Variants in SLC16A7 observed in about 807,000 individuals in gnomAD.
The protein encoded by SLC16A7 is monocarboxylate transporter 2.
In SLC16A7, 33 loss-of-function variants were observed where a neutral mutation model predicts 34.9. The ratio of observed to expected loss-of-function variants is 0.94; its 90% CI spans 0.72 to 1.26. The LOEUF (loss-of-function observed/expected upper bound fraction) is 1.26, where lower values mean the gene tolerates loss of function less well. SLC16A7 is among the 50% of genes most tolerant of loss of function. SLC16A7 has a pLI of 0.00. For missense variants in SLC16A7, 573 were observed against 578.1 expected, an observed-to-expected ratio of 0.99 and a Z score of 0.09; for synonymous variants, 201 against 206.6, an observed-to-expected ratio of 0.97 and a Z score of 0.23.
chr12:59,735,937 G>T, intron 3 of SLC16A7: 1 of 1,251,692 alleles, frequency 8.0e-7, no homozygotes. Flanking sequence ...TAGGAAAAAA[G>T]GAGAAGCGGA....
In SLC16A7 at chr12:59,696,160, C is replaced by T. The variant is rs560089764; in HGVS notation, c.-30-8612C>T. ...TAGGCTTGTAATCTACTGTTTTTTT[C>T]AACAAAACCTAATTTTTTTAATCTT... On this transcript the variant is annotated intron_variant, in intron 2 of 5. Coordinates refer to ENST00000547379, the MANE Select transcript of SLC16A7 (RefSeq NM_001270623.2). 1.4e-3 allele frequency among the ~76,000 whole-genome samples: 214 copies of T among 151,424 alleles called. 1 individual carries two copies. Among genetic ancestry groups the T allele is most frequent in the Middle Eastern group, 6.8e-3 (2 of 294 alleles).
chr12:59,702,514 C>T (rs1297605228), intron 2 of SLC16A7, among the ~76,000 whole-genome samples: 2 of 151,984 alleles, frequency 1.3e-5, no homozygotes, highest in African/African-American at 2.4e-5. Flanking sequence ...AGCATCTGCA[C>T]GACATTAACT....
chr12:59,773,381 G>A (rs565462134), intron 4 of SLC16A7, among the ~76,000 whole-genome samples: 6 of 152,084 alleles, frequency 3.9e-5, no homozygotes, highest in African/African-American at 1.2e-4. Context: ...TGGAGTATTT[G>A]TACACAGACC....
chr12:59,638,144 A>C (rs1233249852), intron 1 of SLC16A7, among the ~76,000 whole-genome samples: 1 of 152,134 alleles, frequency 6.6e-6, no homozygotes, highest in Non-Finnish European at 1.5e-5. Context: ...TAACTGGATA[A>C]AAGTATGGGT....
chr12:59,689,466 G>T (rs772145201), intron 2 of SLC16A7: 1 of 151,976 alleles, frequency 6.6e-6, no homozygotes, highest in African/African-American at 2.4e-5. Flanking sequence ...AACACCTGTC[G>T]CCAGGTTGGT....
chr12:59,666,762 C>T (rs184414675), intron 2 of SLC16A7, among the ~76,000 whole-genome samples: 20 of 152,148 alleles, frequency 1.3e-4, no homozygotes, highest in African/African-American at 4.8e-4. Flanking sequence ...ATAAGTTACC[C>T]AGTCTTGGAT....
At chr12:59,660,408 A>T (rs1471835391) in intron 2 of SLC16A7, among the ~76,000 whole-genome samples, 1 of 152,024 alleles carries the variant, frequency 6.6e-6, no homozygotes, top group Admixed American at 6.6e-5. Flanking sequence ...GCTTCTATAA[A>T]CTGTCTTTGC....
intron 3 of SLC16A7, among the ~76,000 whole-genome samples, chr12:59,745,398 C>T (rs2706287): frequency 0.12 from 18,664 of 152,136 alleles, 1,496 homozygotes; most frequent in African/African-American, 0.22. Flanking sequence ...GTATCCACTA[C>T]AATGATGATA....
In SLC16A7 at chr12:59,596,621, C is replaced by G. The variant is rs1878412865; in HGVS notation, c.-130+385C>G. ...CCAGTCTCCCTGGCTCACGGGACTC[C>G]GAGGGCTGCTTCCAGTGCGGCGTGT... On this transcript the variant is annotated intron_variant, in intron 1 of 5. Coordinates refer to ENST00000547379, the MANE Select transcript of SLC16A7 (RefSeq NM_001270623.2). This position sits in a 1 kb window ranked among gnomAD's most constrained non-coding sequence, Gnocchi z 5.0. Among the ~76,000 whole-genome samples, 1 of 151,942 alleles carries G rather than the reference C, an allele frequency of 6.6e-6. No individual in the cohort carries two copies. The highest frequency in any genetic ancestry group is 1.9e-4 in the East Asian group (1 of 5,148).
At chr12:59,768,336 A>G (rs1220375266) in intron 3 of SLC16A7, 2 of 340,538 alleles carry the variant, frequency 5.9e-6, no homozygotes, top group African/African-American at 4.3e-5. Flanking sequence ...AAGTAACTGC[A>G]GATGTGGTAG....
intron 1 of SLC16A7, among the ~76,000 whole-genome samples, chr12:59,649,818 G>A (rs777214718): frequency 2.6e-5 from 4 of 151,810 alleles, no homozygotes; most frequent in Admixed American, 1.3e-4. Context: ...GTGTGGTGGC[G>A]GGCACCTGTA....
At position 59,775,349 on chromosome 12, in the gene SLC16A7, G is replaced by T; in HGVS notation, c.1054G>T (p.Gly352Trp). The change falls in exon 5 of 6, where the codon GGG (glycine) becomes TGG (tryptophan). Residue 352 changes from glycine (G) to tryptophan (W), a missense_variant. Coordinates refer to ENST00000547379, the MANE Select transcript of SLC16A7 (RefSeq NM_001270623.2). ...TGCTGTATTTTTTGGCCTTGGATTT[G>T]GGAGTGTTAGCAGTGTTCTCTTTGA... Reference protein sequence around the residue: ...LYAVFFGLGFGSVSSVLFETL... With the variant: ...LYAVFFGLGFWSVSSVLFETL... The T allele has an allele frequency of 6.2e-7, 1 of 1,614,106 alleles. No individual in the cohort carries two copies. The highest frequency in any genetic ancestry group is 1.3e-5 in the African/African-American group (1 of 75,034).
chr12:59,650,859 A>G (rs1868331612), intron 1 of SLC16A7, among the ~76,000 whole-genome samples: 1 of 152,178 alleles, frequency 6.6e-6, no homozygotes, highest in African/African-American at 2.4e-5. Flanking sequence ...GCACCACATC[A>G]TATTTGTCTA....
At chr12:59,771,641 T>A (rs1882240966) in intron 4 of SLC16A7, among the ~76,000 whole-genome samples, 1 of 152,206 alleles carries the variant, frequency 6.6e-6, no homozygotes. Context: ...TTTTGCTTTT[T>A]TCTCTTCAGC....
At chr12:59,669,459 C>T (rs1274898514) in intron 2 of SLC16A7, among the ~76,000 whole-genome samples, 1 of 152,094 alleles carries the variant, frequency 6.6e-6, no homozygotes, top group Non-Finnish European at 1.5e-5. Flanking sequence ...CTGGCTTTCG[C>T]ATATTAATAA....
intron 3 of SLC16A7, among the ~76,000 whole-genome samples, chr12:59,768,796 A>G (rs1488105522): frequency 6.6e-6 from 1 of 152,106 alleles, no homozygotes; most frequent in African/African-American, 2.4e-5. Context: ...CAGGAATTCA[A>G]GACCAGCCTG....
intron 1 of SLC16A7, among the ~76,000 whole-genome samples, chr12:59,624,906 ACATGT>A (rs1592404154): frequency 6.6e-6 from 1 of 151,846 alleles, no homozygotes; most frequent in African/African-American, 2.4e-5. Flanking sequence ...GTGGCTTGTT[ACATGT>A]ACCCTTTTGG....
chr12:59,738,297 T>C (rs1281327379), intron 3 of SLC16A7, among the ~76,000 whole-genome samples: 1 of 152,136 alleles, frequency 6.6e-6, no homozygotes, highest in African/African-American at 2.4e-5. Context: ...AACTATACTA[T>C]AAGATTTCCA....
At chr12:59,765,813 C>T (rs974294680) in intron 3 of SLC16A7, among the ~76,000 whole-genome samples, 23 of 151,610 alleles carry the variant, frequency 1.5e-4, no homozygotes, top group African/African-American at 3.4e-4. Flanking sequence ...CTTGGCAATG[C>T]GGGCTCTTTT....
Sources: gnomAD v4.1 joint callset for allele counts (sites outside exome capture counted in the v4.1 genomes callset) on GRCh38, gnomAD v4.1.1 for gene constraint, Gnocchi (gnomAD v3.1) non-coding constraint, MANE v1.5 for transcripts, NCBI Gene and HGNC (gene_info 2026-07-23, HGNC 2026-07-21) for gene names.